The following BCAS1 variants were observed in gnomAD, a reference collection of about 807,000 sequenced individuals.
The protein encoded by BCAS1 is brain enriched myelin associated protein 1.
A neutral mutation model predicts 65.4 loss-of-function variants in BCAS1; 46 were observed. The ratio of observed to expected loss-of-function variants is 0.70; its 90% CI spans 0.55 to 0.90. BCAS1 has a LOEUF of 0.90. BCAS1 is among the 40% of genes least tolerant of loss of function. The probability of loss-of-function intolerance (pLI) is 0.00; values close to 1 mark genes in which losing one functional copy is unlikely to be tolerated. For synonymous variants in BCAS1, 298 were observed against 293.5 expected, an observed-to-expected ratio of 1.02 and a Z score of -0.16; for missense variants, 793 against 771.2, an observed-to-expected ratio of 1.03 and a Z score of -0.33.
At chr20:53,967,513 T>G (rs1383188443) in intron 9 of BCAS1, among the ~76,000 whole-genome samples, 1 of 152,214 alleles carries the variant, frequency 6.6e-6, no homozygotes, top group Non-Finnish European at 1.5e-5. Context: ...CCAGTTCCCC[T>G]GCAACTATAA....
intron 4 of BCAS1, among the ~76,000 whole-genome samples, chr20:54,026,571 TCTC>T (rs534544781): frequency 6.6e-6 from 1 of 152,270 alleles, no homozygotes; most frequent in East Asian, 1.9e-4. Context: ...AACTCAATCT[TCTC>T]CTAACTGAGC....
At chr20:53,967,431 A>G (rs1600730065) in intron 9 of BCAS1, among the ~76,000 whole-genome samples, 1 of 152,288 alleles carries the variant, frequency 6.6e-6, no homozygotes, top group Non-Finnish European at 1.5e-5. Context: ...GCCTGTCTAG[A>G]AACCAGGAAT....
chr20:53,957,219 G>A (rs2089726993), intron 11 of BCAS1, among the ~76,000 whole-genome samples: 1 of 152,222 alleles, frequency 6.6e-6, no homozygotes, highest in Non-Finnish European at 1.5e-5. Context: ...AAGCACATGT[G>A]TGAAAGTTTT....
At chr20:53,993,111 C>G (rs1273473166) in intron 6 of BCAS1, among the ~76,000 whole-genome samples, 1 of 152,202 alleles carries the variant, frequency 6.6e-6, no homozygotes, top group Non-Finnish European at 1.5e-5. Context: ...CTTTGATTCA[C>G]TATTAGAAAC....
intron 7 of BCAS1, among the ~76,000 whole-genome samples, chr20:53,990,421 C>A (rs540477487): frequency 6.6e-6 from 1 of 152,124 alleles, no homozygotes; most frequent in Admixed American, 6.6e-5. Flanking sequence ...TTTCAGACTT[C>A]CCTACTTTTT....
rs208363 is a variant in BCAS1, at chr20:53,985,137, G to A, written c.1275+150C>T. The A allele has an allele frequency of 2.4e-5, 17 of 696,464 alleles. No homozygotes were observed. The African/African-American group carries it at 2.5e-4, about 10-fold the overall frequency. The allele number at this position is 696,464 out of a possible 1,614,324, so 43.1% of individuals were successfully genotyped here. ...TTTCATTTTTCCTAGGAACACATTA[G>A]AAGGCTTCTACTCAATGGGAAGCCG... On this transcript the variant is annotated intron_variant, in intron 8 of 12. Coordinates refer to ENST00000688948, the MANE Select transcript of BCAS1 (RefSeq NM_001366298.2).
At chr20:54,067,989 C>G (rs751976184) in intron 1 of BCAS1, among the ~76,000 whole-genome samples, 1 of 152,226 alleles carries the variant, frequency 6.6e-6, no homozygotes, top group Non-Finnish European at 1.5e-5. Flanking sequence ...GCTTTGCCTG[C>G]CCCACAGTCC....
chr20:53,962,723 A>ACC, intron 10 of BCAS1, among the ~76,000 whole-genome samples: 1 of 152,284 alleles, frequency 6.6e-6, no homozygotes, highest in South Asian at 2.1e-4. Context: ...ATTGTTTAAA[A>ACC]TCCTGCAGGA....
At chr20:54,020,733 T>C (rs2091538155) in intron 4 of BCAS1, among the ~76,000 whole-genome samples, 1 of 152,212 alleles carries the variant, frequency 6.6e-6, no homozygotes, top group African/African-American at 2.4e-5. Context: ...CAGAACAGCG[T>C]TCTCCAAATT....
chr20:54,001,008 G>T (rs1300320403), intron 4 of BCAS1, among the ~76,000 whole-genome samples: 1 of 151,948 alleles, frequency 6.6e-6, no homozygotes, highest in East Asian at 1.9e-4. Context: ...TGCTTCCCTG[G>T]TAATTTTTGT....
intron 8 of BCAS1, among the ~76,000 whole-genome samples, chr20:53,983,777 C>A (rs1456903850): frequency 6.6e-6 from 1 of 152,182 alleles, no homozygotes; most frequent in Non-Finnish European, 1.5e-5. Context: ...TTCTTAGCAC[C>A]ACCTTCAGTT....
chr20:54,005,801 C>T lies in BCAS1; in HGVS notation c.724-9751G>A, dbSNP rs530087647. Among the ~76,000 whole-genome samples, 4 of 151,838 alleles carry T rather than the reference C, an allele frequency of 2.6e-5. No homozygotes were observed. The East Asian group carries it at 5.8e-4, about 22-fold the overall frequency. The stretch of plus-strand genomic sequence containing the variant: ...AGACTCGCAGAAACAGGGAGGAATG[C>T]GGGATGGTGATGGAGAAATTTCTGT... On this transcript the variant is annotated intron_variant, in intron 4 of 12. Transcript: ENST00000688948.
At chr20:53,999,981 C>A (rs1256992363) in intron 4 of BCAS1, among the ~76,000 whole-genome samples, 2 of 152,132 alleles carry the variant, frequency 1.3e-5, no homozygotes, top group African/African-American at 4.8e-5. Flanking sequence ...CCCCTCACCT[C>A]GGCCTCCCAA....
chr20:54,058,870 T>C, intron 1 of BCAS1, 147 bp from the exon 2 acceptor site: 1 of 831,852 alleles, frequency 1.2e-6, no homozygotes, highest in Non-Finnish European at 1.9e-6. Flanking sequence ...ATTAGTCCGT[T>C]CTCACACTGC....
chr20:54,050,494 G>A (rs1158661080), intron 3 of BCAS1, among the ~76,000 whole-genome samples: 1 of 152,188 alleles, frequency 6.6e-6, no homozygotes, highest in African/African-American at 2.4e-5. Flanking sequence ...TCCCAAGAGG[G>A]CGAAAATGGT....
intron 3 of BCAS1, among the ~76,000 whole-genome samples, chr20:54,041,296 T>G (rs1407137034): frequency 6.6e-6 from 1 of 151,326 alleles, no homozygotes; most frequent in Non-Finnish European, 1.5e-5. Context: ...CACGGAATTG[T>G]CACTCTAAAA....
chr20:53,951,835 T>C (rs1266715131), intron 12 of BCAS1, among the ~76,000 whole-genome samples: 3 of 152,246 alleles, frequency 2.0e-5, no homozygotes, highest in Non-Finnish European at 2.9e-5. Flanking sequence ...CATGATTAGT[T>C]TGAAGACTGC....
At chr20:54,010,908 G>C (rs2091305231) in intron 4 of BCAS1, among the ~76,000 whole-genome samples, 1 of 152,120 alleles carries the variant, frequency 6.6e-6, no homozygotes, top group African/African-American at 2.4e-5. Flanking sequence ...ATGGAATAGA[G>C]AAGCCAGAAA....
chr20:54,046,802 C>A (rs1381586103), intron 3 of BCAS1, among the ~76,000 whole-genome samples: 1 of 149,806 alleles, frequency 6.7e-6, no homozygotes, highest in African/African-American at 2.5e-5. Flanking sequence ...CAAGATCGTG[C>A]CACTGCACTC....
Sources: gnomAD v4.1 joint callset for allele counts (sites outside exome capture counted in the v4.1 genomes callset) on GRCh38, gnomAD v4.1.1 for gene constraint, MANE v1.5 for transcripts, NCBI Gene and HGNC (gene_info 2026-07-23, HGNC 2026-07-21) for gene names.